NRG1: variants seen among roughly 807,000 people sequenced by gnomAD.
The protein encoded by NRG1 is neuregulin 1.
Under a neutral mutation model 63.8 loss-of-function variants are expected in NRG1, and 18 were observed. The observed-to-expected ratio is 0.28, with a 90% CI of 0.19 to 0.42. NRG1 has a LOEUF of 0.42. NRG1 is among the 10% of genes least tolerant of loss of function. NRG1 has a pLI of 1.00. For missense variants in NRG1, 762 were observed against 814.7 expected (o/e 0.94, Z 0.79); for synonymous variants, 302 against 301.3 (o/e 1.00, Z -0.02).
intron 5 of NRG1, among the ~76,000 whole-genome samples, chr8:32,690,938 A>AGTGTGTGTGTGTGTGTGT (rs113081002): frequency 2.3e-5 from 3 of 131,086 alleles, no homozygotes; most frequent in African/African-American, 8.3e-5. Flanking sequence ...TTTCCCTCTC[A>AGTGTGTGTGTGTGTGTGT]GTGTGTGTGT....
chr8:32,273,346 C>T (rs537107628), intron 1 of NRG1, among the ~76,000 whole-genome samples: 22 of 152,086 alleles, frequency 1.4e-4, no homozygotes, highest in African/African-American at 4.8e-4. Flanking sequence ...TTTTTTCTGG[C>T]ACAAAAACAA....
At chr8:32,402,895 C>T (rs192764036) in intron 1 of NRG1, among the ~76,000 whole-genome samples, 7 of 152,222 alleles carry the variant, frequency 4.6e-5, no homozygotes, top group Admixed American at 6.5e-5. Context: ...GAATGTATCC[C>T]CTGAGGATAA....
intron 1 of NRG1, among the ~76,000 whole-genome samples, chr8:32,253,741 A>T (rs1348881554): frequency 6.6e-6 from 1 of 151,980 alleles, no homozygotes; most frequent in Non-Finnish European, 1.5e-5. Context: ...TTTTTCTGTC[A>T]TTTGGAATGG....
intron 1 of NRG1, among the ~76,000 whole-genome samples, chr8:32,229,345 A>G (rs888740239): frequency 2.3e-4 from 35 of 152,306 alleles, no homozygotes; most frequent in African/African-American, 7.7e-4. Flanking sequence ...TTAAATTGAC[A>G]GCTTTTGGGT....
chr8:31,825,401 AG>A (rs1389389775), intron 1 of NRG1, among the ~76,000 whole-genome samples: 2 of 152,184 alleles, frequency 1.3e-5, no homozygotes, highest in South Asian at 2.1e-4. Flanking sequence ...AAAAAAAAAA[AG>A]TATTTTATAC....
intron 1 of NRG1, among the ~76,000 whole-genome samples, chr8:32,056,881 T>A (rs1321296462): frequency 6.6e-6 from 1 of 152,166 alleles, no homozygotes; most frequent in Admixed American, 6.6e-5. Context: ...CTTTTGGAGA[T>A]GGCAAAGAGA....
At chr8:32,729,425 G>A (rs2129016767) in intron 6 of NRG1, among the ~76,000 whole-genome samples, 1 of 152,210 alleles carries the variant, frequency 6.6e-6, no homozygotes, top group Middle Eastern at 3.4e-3. Context: ...AATAAATTTT[G>A]CCAGCAGTCC....
intron 1 of NRG1, among the ~76,000 whole-genome samples, chr8:32,284,843 C>T (rs1853337790): frequency 6.6e-6 from 1 of 152,106 alleles, no homozygotes; most frequent in South Asian, 2.1e-4. Context: ...GCCACTGCAC[C>T]CAGCCTCACA....
At chr8:32,325,820 G>A (rs1801929545) in intron 1 of NRG1, among the ~76,000 whole-genome samples, 1 of 152,136 alleles carries the variant, frequency 6.6e-6, no homozygotes, top group South Asian at 2.1e-4. Flanking sequence ...ATATTACTCA[G>A]TATTTACTCT....
intron 5 of NRG1, chr8:32,647,074 G>A: frequency 4.1e-6 from 4 of 985,352 alleles, no homozygotes; most frequent in Non-Finnish European, 4.8e-6. Context: ...GGGAGTGACC[G>A]CCCCTCCTGG....
At chr8:32,557,008 G>T (rs1159072583) in intron 1 of NRG1, among the ~76,000 whole-genome samples, 1 of 151,734 alleles carries the variant, frequency 6.6e-6, no homozygotes, top group African/African-American at 2.4e-5. Flanking sequence ...TTGTTTTTTG[G>T]TTTTTGGTTT....
intron 1 of NRG1, among the ~76,000 whole-genome samples, chr8:31,850,081 A>G (rs1169701008): frequency 6.6e-6 from 1 of 152,188 alleles, no homozygotes; most frequent in African/African-American, 2.4e-5. Flanking sequence ...ATGGGTATCA[A>G]CACAGTGACC....
chr8:31,969,950 A>G (rs1807013497), intron 1 of NRG1, among the ~76,000 whole-genome samples: 1 of 151,984 alleles, frequency 6.6e-6, no homozygotes, highest in Admixed American at 6.6e-5. Flanking sequence ...GTAAACTGAT[A>G]TTTTCTATAA....
At chr8:32,066,722 A>T (rs1170599625) in intron 1 of NRG1, among the ~76,000 whole-genome samples, 4 of 152,290 alleles carry the variant, frequency 2.6e-5, no homozygotes, top group Admixed American at 1.3e-4. Context: ...CAATTCTATG[A>T]AGAAAGGCAT....
chr8:32,668,192 G>A (rs575878065), intron 5 of NRG1, among the ~76,000 whole-genome samples: 2 of 148,330 alleles, frequency 1.3e-5, no homozygotes, highest in Non-Finnish European at 3.0e-5. Flanking sequence ...CAGCCAGGGC[G>A]ACAGAGTGAG....
At position 31,640,852 on chromosome 8, in the gene NRG1, T is replaced by G. The variant is rs1356239096; in HGVS notation, c.37+1421T>G. The stretch of plus-strand genomic sequence containing the variant: ...GGCGCTCTGGGTCCCAGTTGTTGGT[T>G]TCAGGGTGGTGGGTTCTCAGCGATC... On this transcript the variant is annotated intron_variant, in intron 1 of 10. Coordinates refer to the NRG1 transcript ENST00000519301. The surrounding 1 kb of genome is among the most constrained non-coding windows in gnomAD (Gnocchi z 6.3). The G allele has an allele frequency of 1.4e-6, 2 of 1,399,332 alleles. No homozygotes were observed. Among genetic ancestry groups the G allele is most frequent in the Non-Finnish European group, 9.3e-7 (1 of 1,080,326 alleles). 86.7% of individuals were successfully genotyped at this position (1,399,332 alleles called of 1,614,324 possible).
chr8:32,210,514 T>A (rs112114954), intron 1 of NRG1, among the ~76,000 whole-genome samples: 39 of 152,330 alleles, frequency 2.6e-4, no homozygotes, highest in African/African-American at 8.2e-4. Flanking sequence ...TTTTGTAACG[T>A]GTGACCTTCC....
At chr8:32,684,856 G>GA (rs35090539) in intron 5 of NRG1, among the ~76,000 whole-genome samples, 88,581 of 151,644 alleles carry the variant, frequency 0.58, 26,997 homozygotes, top group African/African-American at 0.77. Flanking sequence ...ATATTTTCAG[G>GA]AAAAAAAACG....
intron 11 of NRG1, among the ~76,000 whole-genome samples, chr8:32,762,742 G>A (rs1405583505): frequency 1.3e-5 from 2 of 152,140 alleles, no homozygotes; most frequent in African/African-American, 4.8e-5. Context: ...TTGTGCGTTG[G>A]TAACATTTTT....
Sources: allele counts gnomAD v4.1 joint callset (sites outside exome capture counted in the v4.1 genomes callset), GRCh38; gene constraint gnomAD v4.1.1; non-coding constraint Gnocchi (gnomAD v3.1); transcripts MANE v1.5; gene names NCBI Gene and HGNC (gene_info 2026-07-23, HGNC 2026-07-21).